The following EDNRA variants were observed in gnomAD, a reference collection of about 807,000 sequenced individuals.
EDNRA encodes the protein endothelin receptor type A.
A neutral mutation model predicts 41.4 loss-of-function variants in EDNRA; 11 were observed. The ratio of observed to expected loss-of-function variants is 0.27; its 90% CI spans 0.17 to 0.44. The LOEUF is 0.44. Ranked by LOEUF, EDNRA falls within the 20% of genes least tolerant of loss-of-function variation. EDNRA has a pLI of 1.00. For synonymous variants in EDNRA, 172 were observed against 183.0 expected (o/e 0.94, Z 0.49); for missense variants, 294 against 531.0 (o/e 0.55, Z 4.39).
chr4:147,542,495 C>T lies in EDNRA; in HGVS notation c.1161C>T (p.Cys387=). The change falls in exon 8 of 8, where the codon TGC becomes TGT. Residue 387 remains cysteine, a synonymous_variant. Coordinates refer to ENST00000651419, the MANE Select transcript of EDNRA (RefSeq NM_001957.4). ...TCCCCCAGTCATGCCTCTGCTGCTG[C>T]TGTTACCAGTCCAAAAGTCTGATGA... ...KNCFQSCLCC[C]CYQSKSLMTS... The T allele has an allele frequency of 1.9e-6, 3 of 1,614,166 alleles. No individual in the cohort carries two copies. Among genetic ancestry groups the T allele is most frequent in the Middle Eastern group, 1.6e-4 (1 of 6,062 alleles).
rs192634572 is a variant in EDNRA at position 147,540,127 on chromosome 4, A to G, written c.1034+177A>G. ...TGATCCCAAAATGTGTGCAAGCCAC[A>G]TCTGTTATCTTGCCCCTCCCCTCCT... On this transcript the variant is annotated intron_variant, in intron 6 of 7. Coordinates refer to ENST00000651419, the MANE Select transcript of EDNRA (RefSeq NM_001957.4). Among the ~76,000 whole-genome samples the G allele has an allele frequency of 5.9e-5, 9 of 152,324 alleles. No homozygotes were observed. In the East Asian group the frequency reaches 7.7e-4, roughly 13 times the overall value.
intron 4 of EDNRA, 124 bp from the exon 5 acceptor site, chr4:147,535,753 C>A: frequency 1.6e-6 from 2 of 1,229,318 alleles, no homozygotes; most frequent in Non-Finnish European, 2.3e-6. Context: ...TCACTGCAAC[C>A]AGAGAGCATG....
intron 2 of EDNRA, among the ~76,000 whole-genome samples, chr4:147,499,901 T>G (rs1578784078): frequency 7.0e-6 from 1 of 143,172 alleles, no homozygotes; most frequent in Non-Finnish European, 1.5e-5. Context: ...GCCTCCCGAG[T>G]TCAAGCGATT....
At chr4:147,483,978 C>T (rs1487784982) in intron 1 of EDNRA, among the ~76,000 whole-genome samples, 1 of 152,082 alleles carries the variant, frequency 6.6e-6, no homozygotes, top group Non-Finnish European at 1.5e-5. Flanking sequence ...GCTTTGGCCT[C>T]CCAAAGTGCT....
At position 147,485,481 on chromosome 4, in the gene EDNRA, C is replaced by T. The variant is rs1408421218; in HGVS notation, c.-70-131C>T. On this transcript the variant is annotated intron_variant, in intron 1 of 7. Transcript: ENST00000651419. ...CTGGTTTTGCTCTGTCATAGGGTAA[C>T]CTGATATACATATATCTTATCTAAT... The T allele has an allele frequency of 6.0e-6, 4 of 669,608 alleles. No individual in the cohort carries two copies. In the South Asian group the frequency reaches 6.3e-5, roughly 10 times the overall value. 41.5% of individuals were successfully genotyped at this position (669,608 alleles called of 1,614,324 possible).
chr4:147,505,439 A>C (rs527350440), intron 2 of EDNRA, among the ~76,000 whole-genome samples: 12 of 143,180 alleles, frequency 8.4e-5, no homozygotes, highest in African/African-American at 2.9e-4. Context: ...TCCCAGGTTC[A>C]AGCAAGTCTC....
At chr4:147,485,054 C>T (rs10305862) in intron 1 of EDNRA, among the ~76,000 whole-genome samples, 61,664 of 152,002 alleles carry the variant, frequency 0.41, 14,639 homozygotes, top group African/African-American at 0.67. Context: ...GCCTCAATAC[C>T]CTGTACCCTT....
In EDNRA at chr4:147,485,502, C is replaced by T. The variant is rs926714182; in HGVS notation, c.-70-110C>T. On this transcript the variant is annotated intron_variant, in intron 1 of 7. Coordinates refer to ENST00000651419, the MANE Select transcript of EDNRA (RefSeq NM_001957.4). The stretch of plus-strand genomic sequence containing the variant: ...GTAACCTGATATACATATATCTTAT[C>T]TAATCACCAAATATATCCTGCATTT... 9.3e-6 allele frequency: 7 copies of T among 748,722 alleles called. 1 individual carries two copies. Among genetic ancestry groups the T allele is most frequent in the African/African-American group, 1.8e-5 (1 of 56,534 alleles). The allele number at this position is 748,722 out of a possible 1,614,324, so 46.4% of individuals were successfully genotyped here.
chr4:147,538,517 G>A (rs530298159), intron 5 of EDNRA, among the ~76,000 whole-genome samples: 11 of 152,256 alleles, frequency 7.2e-5, no homozygotes, highest in African/African-American at 2.2e-4. Flanking sequence ...TTTTAAAAGC[G>A]TTATCCTCTT....
chr4:147,484,937 A>AGATG (rs1728892599), intron 1 of EDNRA, among the ~76,000 whole-genome samples: 1 of 152,278 alleles, frequency 6.6e-6, no homozygotes, highest in East Asian at 1.9e-4. Flanking sequence ...ATAACACTTT[A>AGATG]GATGGCTACC....
chr4:147,530,620 C>T (rs1208343355), intron 3 of EDNRA, among the ~76,000 whole-genome samples: 1 of 152,206 alleles, frequency 6.6e-6, no homozygotes, highest in Admixed American at 6.5e-5. Context: ...TGCCATGTGG[C>T]ATCATCGTAA....
chr4:147,495,186 C>A (rs1276017437), intron 2 of EDNRA: 1 of 152,166 alleles, frequency 6.6e-6, no homozygotes, highest in Admixed American at 6.5e-5. Context: ...CAAAGTCACA[C>A]AGCTAGAAAT....
intron 2 of EDNRA, chr4:147,506,689 TA>T: frequency 6.1e-6 from 2 of 329,038 alleles, no homozygotes; most frequent in Non-Finnish European, 6.0e-6. Flanking sequence ...CTTCAGAATG[TA>T]AAAGAGATCC....
intron 2 of EDNRA, chr4:147,490,739 C>T (rs1188800813): frequency 6.6e-6 from 1 of 151,868 alleles, no homozygotes; most frequent in African/African-American, 2.4e-5. Context: ...AGAGTGTTGT[C>T]CATAGGGAGA....
At chr4:147,541,756 G>A (rs533195225) in intron 7 of EDNRA, among the ~76,000 whole-genome samples, 1 of 152,252 alleles carries the variant, frequency 6.6e-6, no homozygotes, top group East Asian at 1.9e-4. Flanking sequence ...GGTCTTCTTG[G>A]AAATGTTTGC....
chr4:147,531,410 G>T (rs1192975019), intron 3 of EDNRA, among the ~76,000 whole-genome samples: 3 of 152,110 alleles, frequency 2.0e-5, no homozygotes, highest in African/African-American at 7.2e-5. Flanking sequence ...ACATAAGAAG[G>T]GAGGAAACAA....
rs10305900 is a variant in EDNRA, at chr4:147,520,417, T to G, written c.548+439T>G. 6.5e-4 allele frequency: 340 copies of G among 519,194 alleles called. 1 individual carries two copies. Among genetic ancestry groups the G allele is most frequent in the South Asian group, 4.2e-3 (302 of 71,592 alleles). The allele number at this position is 519,194 out of a possible 1,614,324, so 32.2% of individuals were successfully genotyped here. A position where few individuals can be genotyped will look rare whatever the true frequency, so the allele number is the denominator to read the frequency against. On this transcript the variant is annotated intron_variant, in intron 3 of 7. Transcript: ENST00000651419. ...TGCTATGTTCTTCACCCTGCCTTTT[T>G]GAAAGACTGAAATGTTTCATAAGTT...
At chr4:147,506,344 A>G in intron 2 of EDNRA, 1 of 427,218 alleles carries the variant, frequency 2.3e-6, no homozygotes, top group Non-Finnish European at 4.5e-6. Context: ...CTGTCTTCGG[A>G]AGGAATAGTG....
chr4:147,535,786 T>A (rs924820775), intron 4 of EDNRA, 91 bp from the exon 5 acceptor site: 1 of 1,502,050 alleles, frequency 6.7e-7, no homozygotes, highest in East Asian at 2.3e-5. Context: ...TATCTGCAAG[T>A]TTAAAGACCT....
Sources: allele counts gnomAD v4.1 joint callset (sites outside exome capture counted in the v4.1 genomes callset), GRCh38; gene constraint gnomAD v4.1.1; transcripts MANE v1.5; gene names NCBI Gene and HGNC (gene_info 2026-07-23, HGNC 2026-07-21).